EYS: variants seen among roughly 807,000 people sequenced by gnomAD.
EYS encodes EGF-like photoreceptor maintenance factor, also known as protein eyes shut homolog.
EYS carries 250 observed loss-of-function variants against 282.1 expected under a neutral mutation model. The observed-to-expected ratio is 0.89, with a 90% CI of 0.80 to 0.98. EYS has a LOEUF of 0.98. Among genes scored for constraint, EYS ranks in the 50% least tolerant of loss-of-function variants. The pLI, the probability that EYS is intolerant of heterozygous loss-of-function variation, is 0.00. For synonymous variants in EYS, 1,355 were observed against 1,282.9 expected (o/e 1.06, Z -1.20); for missense variants, 4,016 against 3,709.0 (o/e 1.08, Z -2.15).
chr6:64,421,728 A>G (rs1164108660), intron 28 of EYS, among the ~76,000 whole-genome samples: 1 of 152,184 alleles, frequency 6.6e-6, no homozygotes, highest in Non-Finnish European at 1.5e-5. Context: ...AAACTAGGAT[A>G]CAAAAATAAA....
chr6:65,624,982 T>C (rs964435308), intron 2 of EYS, among the ~76,000 whole-genome samples: 3 of 152,148 alleles, frequency 2.0e-5, no homozygotes, highest in African/African-American at 7.2e-5. Flanking sequence ...ACATCTATCC[T>C]ATTAATGTTG....
intron 5 of EYS, among the ~76,000 whole-genome samples, chr6:65,475,002 T>C (rs907492539): frequency 2.0e-5 from 3 of 152,098 alleles, no homozygotes; most frequent in African/African-American, 7.2e-5. Flanking sequence ...AATATGCTTG[T>C]AATATATACT....
intron 33 of EYS, among the ~76,000 whole-genome samples, chr6:64,058,727 T>C (rs915312575): frequency 3.3e-5 from 5 of 152,212 alleles, no homozygotes; most frequent in African/African-American, 7.2e-5. Flanking sequence ...TTGTTTCACC[T>C]TACTTTCTTA....
rs1298455154 is a variant in EYS, at chr6:64,475,358, C to T, written c.5645-36006G>A. On this transcript the variant is annotated intron_variant, in intron 26 of 42. Coordinates refer to ENST00000503581, the MANE Select transcript of EYS (RefSeq NM_001142800.2). ...CAAGGTCAGGAGATCGAGACCATCC[C>T]GGCTAAAACGGTGAAACCCCGTCTC... Among the ~76,000 whole-genome samples, 11 of 75,572 alleles carry T rather than the reference C, an allele frequency of 1.5e-4. 4 individuals carry two copies. Among genetic ancestry groups the T allele is most frequent in the African/African-American group, 2.4e-4 (6 of 24,562 alleles). The allele number at this position is 75,572 out of a possible 152,430, so 49.6% of individuals were successfully genotyped here. A position where few individuals can be genotyped will look rare whatever the true frequency, so the allele number is the denominator to read the frequency against.
intron 22 of EYS, among the ~76,000 whole-genome samples, chr6:64,741,392 C>T (rs1212853583): frequency 6.6e-6 from 1 of 152,072 alleles, no homozygotes; most frequent in Non-Finnish European, 1.5e-5. Context: ...AGAGCACAAG[C>T]AAAGTAGATT....
chr6:65,474,808 A>G (rs1381182368), intron 5 of EYS, among the ~76,000 whole-genome samples: 1 of 152,128 alleles, frequency 6.6e-6, no homozygotes, highest in Non-Finnish European at 1.5e-5. Context: ...ACAGATGACC[A>G]GTAAAAACTT....
intron 31 of EYS, among the ~76,000 whole-genome samples, chr6:64,160,744 T>C (rs1490766396): frequency 2.6e-5 from 4 of 152,226 alleles, no homozygotes; most frequent in East Asian, 3.8e-4. Context: ...TTTGATAGAA[T>C]ACATTTTTAA....
At chr6:65,359,872 G>T (rs1208318980) in intron 8 of EYS, among the ~76,000 whole-genome samples, 1 of 151,728 alleles carries the variant, frequency 6.6e-6, no homozygotes, top group Non-Finnish European at 1.5e-5. Context: ...TAGAATATTT[G>T]TATATTCATT....
intron 35 of EYS, among the ~76,000 whole-genome samples, chr6:63,877,221 A>G (rs951866259): frequency 2.0e-5 from 3 of 151,950 alleles, no homozygotes; most frequent in Non-Finnish European, 4.4e-5. Flanking sequence ...TTTCTCCTTC[A>G]CTTATGAAGC....
At chr6:65,621,661 C>T (rs547731011) in intron 2 of EYS, among the ~76,000 whole-genome samples, 1 of 151,876 alleles carries the variant, frequency 6.6e-6, no homozygotes, top group Non-Finnish European at 1.5e-5. Flanking sequence ...ATGGTCTTTA[C>T]ATTTTGGCAT....
intron 35 of EYS, among the ~76,000 whole-genome samples, chr6:63,899,764 C>T (rs1474351771): frequency 6.6e-6 from 1 of 152,184 alleles, no homozygotes; most frequent in Non-Finnish European, 1.5e-5. Flanking sequence ...AACTGTAAGG[C>T]CTGTTAGGAC....
chr6:63,977,676 A>T (rs1191387015), intron 35 of EYS, among the ~76,000 whole-genome samples: 1 of 152,010 alleles, frequency 6.6e-6, no homozygotes, highest in Non-Finnish European at 1.5e-5. Flanking sequence ...CCTTGGAGCA[A>T]GGCTTTGTGA....
At chr6:64,698,980 G>A (rs1177936731) in intron 22 of EYS, among the ~76,000 whole-genome samples, 1 of 152,060 alleles carries the variant, frequency 6.6e-6, no homozygotes, top group Non-Finnish European at 1.5e-5. Context: ...TTAGGTATAT[G>A]CCCAGAGGAA....
intron 28 of EYS, among the ~76,000 whole-genome samples, chr6:64,433,371 A>G (rs897977170): frequency 6.6e-6 from 1 of 152,038 alleles, no homozygotes; most frequent in Non-Finnish European, 1.5e-5. Context: ...ACATTCATGA[A>G]TTGTGTTCAA....
At chr6:65,317,821 CCTTCCTTTCTTTCTTT>C (rs1413696952) in intron 11 of EYS, among the ~76,000 whole-genome samples, 14 of 51,544 alleles carry the variant, frequency 2.7e-4, no homozygotes, top group African/African-American at 5.4e-4. Context: ...TTCCTTCCTT[CCTTCCTTTCTTTCTTT>C]CTTTCTTTCT....
intron 14 of EYS, among the ~76,000 whole-genome samples, chr6:64,975,122 C>T (rs1291869522): frequency 6.6e-6 from 1 of 151,690 alleles, no homozygotes; most frequent in Non-Finnish European, 1.5e-5. Context: ...TTGATTAGGT[C>T]AGGAGCTGCA....
intron 26 of EYS, among the ~76,000 whole-genome samples, chr6:64,547,352 G>T (rs1193055260): frequency 6.6e-6 from 1 of 152,080 alleles, no homozygotes; most frequent in Non-Finnish European, 1.5e-5. Flanking sequence ...GAGCTGATTG[G>T]TCCGTTTTGA....
At chr6:64,403,392 T>C (rs1378481954) in intron 28 of EYS, among the ~76,000 whole-genome samples, 1 of 152,130 alleles carries the variant, frequency 6.6e-6, no homozygotes, top group Non-Finnish European at 1.5e-5. Context: ...CGTCTCGCTC[T>C]GTCACCCAGG....
chr6:64,379,242 T>C (rs950806871), intron 29 of EYS, among the ~76,000 whole-genome samples: 1 of 152,152 alleles, frequency 6.6e-6, no homozygotes, highest in African/African-American at 2.4e-5. Flanking sequence ...TCTCCCAAAT[T>C]AATAGCCCCA....
Sources: allele counts gnomAD v4.1 joint callset (sites outside exome capture counted in the v4.1 genomes callset), GRCh38; gene constraint gnomAD v4.1.1; transcripts MANE v1.5; gene names NCBI Gene and HGNC (gene_info 2026-07-23, HGNC 2026-07-21).